The following BCR variants were observed in gnomAD, a reference collection of about 807,000 sequenced individuals.
BCR encodes the protein breakpoint cluster region protein.
BCR carries 58 observed loss-of-function variants against 138.6 expected under a neutral mutation model. That is an observed-to-expected ratio of 0.42 (90% CI 0.34 to 0.52). The LOEUF (loss-of-function observed/expected upper bound fraction) is 0.52. Ranked by LOEUF, BCR falls within the 20% of genes least tolerant of loss-of-function variation. The pLI is 0.06. For missense variants in BCR, 1,599 were observed against 1,727.2 expected (o/e 0.93, Z 1.32); for synonymous variants, 786 against 730.1 (o/e 1.08, Z -1.23).
chr22:23,315,734 G>C lies in BCR; in HGVS notation c.*212G>C, dbSNP rs901374302. 1.5e-6 allele frequency: 1 copy of C among 649,152 alleles called. No homozygotes were observed. Among genetic ancestry groups the C allele is most frequent in the African/African-American group, 1.8e-5 (1 of 56,236 alleles). 40.2% of individuals were successfully genotyped at this position (649,152 alleles called of 1,614,324 possible). ...AGCCCCAGGCTGGCCTCAGACTGTG[G>C]TTTTTTATGTGGCCACCTGAGGGCG... On this transcript the variant is annotated 3_prime_UTR_variant, in exon 23 of 23. Transcript: ENST00000305877.
chr22:23,273,514 T>C, intron 7 of BCR, 120 bp from the exon 8 acceptor site: 1 of 1,333,198 alleles, frequency 7.5e-7, no homozygotes, highest in Non-Finnish European at 1.0e-6. Context: ...AGAGAGACTG[T>C]GGTGACACTG....
intron 10 of BCR, 27 bp from the exon 11 acceptor site, chr22:23,287,132 A>G: frequency 6.4e-7 from 1 of 1,569,924 alleles, no homozygotes; most frequent in South Asian, 1.2e-5. Flanking sequence ...TGGAATGGGA[A>G]GGTGAGGCTG....
At chr22:23,230,822 A>G (rs1414753106) in intron 1 of BCR, among the ~76,000 whole-genome samples, 2 of 152,208 alleles carry the variant, frequency 1.3e-5, no homozygotes, top group African/African-American at 4.8e-5. Flanking sequence ...ACTTGCCACC[A>G]GCCTGCTCCC....
intron 1 of BCR, among the ~76,000 whole-genome samples, chr22:23,239,591 T>C (rs1348659145): frequency 1.3e-5 from 2 of 152,210 alleles, no homozygotes; most frequent in Admixed American, 6.5e-5. Context: ...TGCTGGTGTC[T>C]GAGCTCCACA....
chr22:23,284,954 T>C, intron 9 of BCR, 79 bp from the exon 10 acceptor site: 3 of 1,492,856 alleles, frequency 2.0e-6, no homozygotes, highest in South Asian at 1.3e-5. Flanking sequence ...GAACACTGGC[T>C]CTTGGGCTCT....
intron 1 of BCR, among the ~76,000 whole-genome samples, chr22:23,196,529 C>T (rs1040390118): frequency 1.4e-4 from 22 of 152,142 alleles, no homozygotes; most frequent in African/African-American, 5.1e-4. Flanking sequence ...TCTCGATATC[C>T]GCAGGAAATT....
intron 8 of BCR, among the ~76,000 whole-genome samples, chr22:23,279,106 T>C (rs778464007): frequency 3.9e-5 from 6 of 152,216 alleles, no homozygotes; most frequent in Non-Finnish European, 8.8e-5. Flanking sequence ...TTTTACGTCA[T>C]GCTCTTTTCA....
rs1443818321 is a variant in BCR at position 23,313,941 on chromosome 22, C to T, written c.3458-27C>T. ...AGAGGTCTCTGGCTCGTTGTGACCCCAAGGAGTAACCCACCGCCTTCTGCA... is the reference window on the plus strand; with the variant it reads ...AGAGGTCTCTGGCTCGTTGTGACCCTAAGGAGTAACCCACCGCCTTCTGCA... On this transcript the variant is annotated intron_variant, in intron 20 of 22. Transcript: ENST00000305877. 5 of 1,597,948 alleles carry T rather than the reference C, an allele frequency of 3.1e-6. No individual in the cohort carries two copies. The South Asian group carries it at 5.5e-5, about 18-fold the overall frequency.
Position 23,315,427 on chromosome 22 carries a change from G to A in BCR, c.3727-6G>A, listed in dbSNP as rs370925084. On this transcript the variant is annotated splice_region_variant and splice_polypyrimidine_tract_variant and intron_variant, in intron 22 of 22. Transcript: ENST00000305877. ...CACTCTTCTCTTCCCTACTCTGCCCGGGCAGGTCCAGGTGCTGCTGTACTT... is the reference window on the plus strand; with the variant it reads ...CACTCTTCTCTTCCCTACTCTGCCCAGGCAGGTCCAGGTGCTGCTGTACTT... 18 of 1,613,464 alleles carry A rather than the reference G, an allele frequency of 1.1e-5. No homozygotes were observed. Among genetic ancestry groups the A allele is most frequent in the African/African-American group, 1.3e-5 (1 of 74,900 alleles).
chr22:23,261,346 C>T lies in BCR; in HGVS notation c.1567-9C>T, dbSNP rs772544907. On this transcript the variant is annotated splice_polypyrimidine_tract_variant and intron_variant, in intron 3 of 22. Transcript: ENST00000305877. ...TCACCTGTGCTACCTCACTTGTGCC[C>T]TCTTCCAGCCCATGAAGCCTTTGAA... 8.1e-6 allele frequency: 13 copies of T among 1,609,320 alleles called. No individual in the cohort carries two copies. The highest frequency in any genetic ancestry group is 7.6e-6 in the Non-Finnish European group (9 of 1,177,130).
At chr22:23,192,380 G>C (rs1306430559) in intron 1 of BCR, among the ~76,000 whole-genome samples, 1 of 152,218 alleles carries the variant, frequency 6.6e-6, no homozygotes, top group Non-Finnish European at 1.5e-5. Flanking sequence ...GAGGAGACCT[G>C]GATCATTTGC....
chr22:23,263,432 G>A, intron 4 of BCR: 2 of 1,332,528 alleles, frequency 1.5e-6, no homozygotes, highest in Non-Finnish European at 2.2e-6. Flanking sequence ...ACTGGATAGT[G>A]GGGTGCTGCC....
intron 16 of BCR, among the ~76,000 whole-genome samples, chr22:23,306,566 A>T (rs1253555123): frequency 6.6e-6 from 1 of 152,194 alleles, no homozygotes; most frequent in African/African-American, 2.4e-5. Flanking sequence ...TTTAGAGGAG[A>T]TGGAGACACG....
intron 4 of BCR, chr22:23,264,217 G>C (rs1327692367): frequency 9.1e-7 from 1 of 1,103,156 alleles, no homozygotes; most frequent in Non-Finnish European, 1.4e-6. Flanking sequence ...CTGTGGGACC[G>C]GCACCAAAGG....
intron 1 of BCR, among the ~76,000 whole-genome samples, chr22:23,250,699 C>T (rs1295694807): frequency 1.3e-5 from 2 of 152,168 alleles, no homozygotes; most frequent in Non-Finnish European, 2.9e-5. Context: ...CATTTTAGAG[C>T]TAGAGGGTCT....
In BCR at chr22:23,198,168, G is replaced by A. The variant is rs368965801; in HGVS notation, c.1279+15929G>A. ...GAAGCCAGGCTCCAAGTGAGTATAG[G>A]AGAGACCAGAGCACTAAATTGGACC... On this transcript the variant is annotated intron_variant, in intron 1 of 22. Coordinates refer to ENST00000305877, the MANE Select transcript of BCR (RefSeq NM_004327.4). 185 of 371,688 alleles carry A rather than the reference G, an allele frequency of 5.0e-4. 4 individuals carry two copies. The highest frequency in any genetic ancestry group is 3.7e-3 in the African/African-American group (168 of 45,274). The allele number at this position is 371,688 out of a possible 1,614,324, so 23.0% of individuals were successfully genotyped here.
chr22:23,271,417 G>A, intron 5 of BCR, 115 bp from the exon 6 acceptor site: 1 of 1,034,208 alleles, frequency 9.7e-7, no homozygotes. Context: ...AGCTCAGAAT[G>A]CACCTGGGGT....
chr22:23,264,211 G>A, intron 4 of BCR: 1 of 1,172,302 alleles, frequency 8.5e-7, no homozygotes, highest in South Asian at 1.2e-5. Context: ...GTACGGCTGT[G>A]GGACCGGCAC....
At chr22:23,219,595 C>G (rs561906623) in intron 1 of BCR, among the ~76,000 whole-genome samples, 3 of 152,240 alleles carry the variant, frequency 2.0e-5, no homozygotes, top group Non-Finnish European at 4.4e-5. Flanking sequence ...GGTCACGCAT[C>G]TCAGGCAGGC....
Sources: gnomAD v4.1 joint callset for allele counts (sites outside exome capture counted in the v4.1 genomes callset) on GRCh38, gnomAD v4.1.1 for gene constraint, MANE v1.5 for transcripts, NCBI Gene and HGNC (gene_info 2026-07-23, HGNC 2026-07-21) for gene names.